DOCK2: variants seen among roughly 807,000 people sequenced by gnomAD.
DOCK2 encodes the protein dedicator of cytokinesis protein 2.
In DOCK2, 87 loss-of-function variants were observed where a neutral mutation model predicts 248.9. The ratio of observed to expected loss-of-function variants is 0.35; its 90% CI spans 0.29 to 0.42. The LOEUF (loss-of-function observed/expected upper bound fraction) is 0.42. DOCK2 is among the 10% of genes least tolerant of loss of function. DOCK2 has a pLI of 1.00. For synonymous variants in DOCK2, 805 were observed against 821.6 expected, an observed-to-expected ratio of 0.98 and a Z score of 0.35; for missense variants, 1,747 against 2,300.2, an observed-to-expected ratio of 0.76 and a Z score of 4.92.
At chr5:169,836,686 A>G (rs575762843) in intron 26 of DOCK2, among the ~76,000 whole-genome samples, 7 of 146,328 alleles carry the variant, frequency 4.8e-5, no homozygotes, top group African/African-American at 1.5e-4. Flanking sequence ...ATTAAGTTCT[A>G]AGTAGATACT....
intron 27 of DOCK2, among the ~76,000 whole-genome samples, chr5:169,885,105 A>G (rs1772897337): frequency 6.6e-6 from 1 of 152,144 alleles, no homozygotes; most frequent in South Asian, 2.1e-4. Flanking sequence ...CAGCCTTTAC[A>G]ATGTCTCCCT....
At chr5:169,809,028 G>T (rs749628947) in intron 26 of DOCK2, among the ~76,000 whole-genome samples, 9 of 151,622 alleles carry the variant, frequency 5.9e-5, no homozygotes, top group Non-Finnish European at 1.2e-4. Context: ...GTCTCACTCT[G>T]TTGCCCAGGC....
At chr5:170,029,373 A>G (rs932813215) in intron 34 of DOCK2, among the ~76,000 whole-genome samples, 1 of 152,124 alleles carries the variant, frequency 6.6e-6, no homozygotes, top group Non-Finnish European at 1.5e-5. Context: ...GCATCTTTCC[A>G]TGTGCTTATG....
At chr5:169,678,456 G>A (rs1191593499) in intron 6 of DOCK2, among the ~76,000 whole-genome samples, 1 of 151,962 alleles carries the variant, frequency 6.6e-6, no homozygotes, top group Non-Finnish European at 1.5e-5. Flanking sequence ...TAGAGACGGG[G>A]TTTCACCAGT....
At chr5:169,908,689 AT>A (rs1262308443) in intron 27 of DOCK2, among the ~76,000 whole-genome samples, 3 of 149,940 alleles carry the variant, frequency 2.0e-5, no homozygotes, top group Non-Finnish European at 3.0e-5. Context: ...ACAGGTTTCA[AT>A]GCATTTTTCT....
At chr5:169,732,291 T>A (rs1019752328) in intron 22 of DOCK2, among the ~76,000 whole-genome samples, 3 of 152,190 alleles carry the variant, frequency 2.0e-5, no homozygotes, top group African/African-American at 7.2e-5. Flanking sequence ...CACAGAACTC[T>A]TTTTGTATTC....
At chr5:169,864,459 A>C in intron 27 of DOCK2, 2 of 1,526,250 alleles carry the variant, frequency 1.3e-6, no homozygotes, top group Admixed American at 4.2e-5. Context: ...CATACTCTAC[A>C]CTGAAAAACA....
At chr5:169,753,365 C>A (rs570226710) in intron 23 of DOCK2, among the ~76,000 whole-genome samples, 30 of 150,642 alleles carry the variant, frequency 2.0e-4, no homozygotes, top group East Asian at 9.7e-4. Context: ...CACCCCCCCC[C>A]ACCCCCTGAC....
chr5:169,729,651 T>C (rs1581106895), intron 22 of DOCK2, among the ~76,000 whole-genome samples: 1 of 152,212 alleles, frequency 6.6e-6, no homozygotes, highest in African/African-American at 2.4e-5. Context: ...ATGCTGCCCT[T>C]ATATTATACT....
intron 27 of DOCK2, chr5:169,881,318 A>T: frequency 6.9e-7 from 1 of 1,447,712 alleles, no homozygotes; most frequent in Non-Finnish European, 9.5e-7. Flanking sequence ...TGTTCAGCGG[A>T]CCCTATGGCT....
At chr5:169,703,704 C>T (rs866139910) in intron 14 of DOCK2, among the ~76,000 whole-genome samples, 8 of 152,270 alleles carry the variant, frequency 5.3e-5, no homozygotes, top group Middle Eastern at 3.4e-3. Context: ...AAGCATTGAA[C>T]GCATCCTCCT....
chr5:169,704,934 G>T (rs894383566), intron 14 of DOCK2, among the ~76,000 whole-genome samples: 1 of 152,132 alleles, frequency 6.6e-6, no homozygotes, highest in African/African-American at 2.4e-5. Context: ...GGCCAAGGGG[G>T]GCAGATCACT....
chr5:169,794,733 G>A (rs1427983438), intron 25 of DOCK2, among the ~76,000 whole-genome samples: 3 of 152,112 alleles, frequency 2.0e-5, no homozygotes, highest in Non-Finnish European at 4.4e-5. Context: ...GACCATCCTG[G>A]CTAACACGGT....
intron 25 of DOCK2, among the ~76,000 whole-genome samples, chr5:169,780,772 C>T (rs1053448718): frequency 2.6e-5 from 4 of 152,180 alleles, no homozygotes; most frequent in African/African-American, 9.7e-5. Flanking sequence ...TATTGTCATC[C>T]ATAGGTTCTT....
At chr5:169,852,892 T>A (rs1301033916) in intron 27 of DOCK2, among the ~76,000 whole-genome samples, 1 of 152,188 alleles carries the variant, frequency 6.6e-6, no homozygotes, top group Non-Finnish European at 1.5e-5. Context: ...GAACACACAT[T>A]GGAAGGAGAA....
chr5:169,866,072 T>G (rs1215407979), intron 27 of DOCK2, among the ~76,000 whole-genome samples: 1 of 140,658 alleles, frequency 7.1e-6, no homozygotes, highest in Non-Finnish European at 1.5e-5. Flanking sequence ...GATGGGTTGT[T>G]GCAGGGCTGA....
At chr5:169,985,773 A>G (rs1778053106) in intron 28 of DOCK2, 55 bp from the exon 29 acceptor site, 28 of 1,468,024 alleles carry the variant, frequency 1.9e-5, no homozygotes, top group Middle Eastern at 1.8e-4. Flanking sequence ...AGAGCCAACA[A>G]GCTCTGAGTT....
rs567144032 is a variant in DOCK2 at position 169,973,992 on chromosome 5, G to T, written c.2800-9076G>T. 5.9e-5 allele frequency among the ~76,000 whole-genome samples: 9 copies of T among 152,316 alleles called. No homozygotes were observed. The South Asian group carries it at 1.7e-3, about 28-fold the overall frequency. On this transcript the variant is annotated intron_variant, in intron 27 of 51. Coordinates refer to ENST00000520908, the MANE Select transcript of DOCK2 (RefSeq NM_004946.3). ...ATATTCAAGGTTAATTCAGCAGGGG[G>T]AGAGGTGGTGAGGTGGACGATCACA... is the stretch of plus-strand genomic sequence containing the variant.
intron 26 of DOCK2, among the ~76,000 whole-genome samples, chr5:169,814,174 A>G (rs1485283281): frequency 6.6e-6 from 1 of 152,224 alleles, no homozygotes; most frequent in Non-Finnish European, 1.5e-5. Flanking sequence ...GAGACAACTG[A>G]TAGACCTTAT....
Sources: allele counts gnomAD v4.1 joint callset (sites outside exome capture counted in the v4.1 genomes callset), GRCh38; gene constraint gnomAD v4.1.1; transcripts MANE v1.5; gene names NCBI Gene and HGNC (gene_info 2026-07-23, HGNC 2026-07-21).